DIP2C: variants seen among roughly 807,000 people sequenced by gnomAD.
DIP2C encodes DIP2 acetate--CoA ligase C (putative), also known as disco-interacting protein 2 homolog C.
In DIP2C, 33 loss-of-function variants were observed where a neutral mutation model predicts 192.4. That is an observed-to-expected ratio of 0.17 (90% CI 0.13 to 0.23). The LOEUF is 0.23. Among genes scored for constraint, DIP2C ranks in the 10% least tolerant of loss-of-function variants. The pLI, the probability that DIP2C is intolerant of heterozygous loss-of-function variation, is 1.00. For missense variants in DIP2C, 1,537 were observed against 2,110.1 expected, an observed-to-expected ratio of 0.73 and a Z score of 5.32; for synonymous variants, 979 against 864.1, an observed-to-expected ratio of 1.13 and a Z score of -2.33.
intron 1 of DIP2C, among the ~76,000 whole-genome samples, chr10:489,698 C>T (rs1008066904): frequency 2.0e-4 from 27 of 132,434 alleles, no homozygotes; most frequent in South Asian, 1.6e-3. Flanking sequence ...ACTAGGGACA[C>T]GGTGGCTCTG....
intron 1 of DIP2C, among the ~76,000 whole-genome samples, chr10:542,539 GCA>G (rs1368050857): frequency 1.3e-5 from 2 of 152,234 alleles, no homozygotes; most frequent in Admixed American, 6.5e-5. Context: ...CTCCAGAAAT[GCA>G]CAGCTTCAAC....
chr10:467,866 T>C (rs933456770), intron 3 of DIP2C, among the ~76,000 whole-genome samples: 8 of 152,196 alleles, frequency 5.3e-5, no homozygotes, highest in Non-Finnish European at 1.2e-4. Context: ...GATGGGTTGA[T>C]GGGTGCAGCA....
intron 2 of DIP2C, among the ~76,000 whole-genome samples, chr10:482,032 G>A (rs1156946385): frequency 6.6e-6 from 1 of 152,240 alleles, no homozygotes; most frequent in Non-Finnish European, 1.5e-5. Flanking sequence ...TCAGAGACAG[G>A]ACGACATGGA....
intron 1 of DIP2C, among the ~76,000 whole-genome samples, chr10:574,534 T>A (rs754552892): frequency 6.7e-6 from 1 of 148,516 alleles, no homozygotes; most frequent in African/African-American, 2.5e-5. Context: ...GTATTAGTGA[T>A]CGTGGTGGGG....
chr10:361,935 G>A (rs115227419), intron 22 of DIP2C, among the ~76,000 whole-genome samples: 149 of 151,756 alleles, frequency 9.8e-4, no homozygotes, highest in African/African-American at 3.5e-3. Context: ...CAGGGACCGC[G>A]AGAACAACAG....
At position 448,282 on chromosome 10, in the gene DIP2C, G is replaced by C. The variant is rs1968476750; in HGVS notation, c.269-7286C>G. ...ACCCACTCATCCCTGTCTATACTCA[G>C]GATCACACACAGTGGGTCAGCAGGA... On this transcript the variant is annotated intron_variant, in intron 3 of 36. Transcript: ENST00000280886. 1.5e-5 allele frequency among the ~76,000 whole-genome samples: 2 copies of C among 137,284 alleles called. 1 individual carries two copies. Among genetic ancestry groups the C allele is most frequent in the Non-Finnish European group, 3.0e-5 (2 of 66,048 alleles). 90.1% of individuals were successfully genotyped at this position (137,284 alleles called of 152,430 possible).
At chr10:369,189 G>A (rs1960663117) in intron 18 of DIP2C, among the ~76,000 whole-genome samples, 1 of 152,216 alleles carries the variant, frequency 6.6e-6, no homozygotes. Context: ...TCTGGGGGAG[G>A]GAAGGGAAGC....
intron 1 of DIP2C, among the ~76,000 whole-genome samples, chr10:531,560 C>G (rs1446908287): frequency 6.6e-6 from 1 of 152,224 alleles, no homozygotes; most frequent in Non-Finnish European, 1.5e-5. Context: ...GCCCCCCAGT[C>G]TGACGGAAGC....
At chr10:468,056 G>A (rs140395730) in intron 3 of DIP2C, among the ~76,000 whole-genome samples, 1 of 152,266 alleles carries the variant, frequency 6.6e-6, no homozygotes, top group Non-Finnish European at 1.5e-5. Context: ...CTCCCTAGAA[G>A]CCACAGCCCT....
intron 1 of DIP2C, among the ~76,000 whole-genome samples, chr10:593,577 A>AG (rs1851530582): frequency 6.8e-6 from 1 of 146,294 alleles, no homozygotes; most frequent in Non-Finnish European, 1.5e-5. Flanking sequence ...CAGCAGAGGC[A>AG]GGGGCCCTCC....
chr10:634,476 T>A (rs1483637672), intron 1 of DIP2C, among the ~76,000 whole-genome samples: 1 of 152,226 alleles, frequency 6.6e-6, no homozygotes, highest in African/African-American at 2.4e-5. Flanking sequence ...GGATGCCAAG[T>A]AAGTTTCTGC....
intron 4 of DIP2C, among the ~76,000 whole-genome samples, chr10:431,355 T>G (rs1273902795): frequency 6.6e-6 from 1 of 152,266 alleles, no homozygotes; most frequent in East Asian, 1.9e-4. Flanking sequence ...TTTCTGTGAA[T>G]GAGTTTTGTA....
chr10:551,373 C>T (rs903708952), intron 1 of DIP2C, among the ~76,000 whole-genome samples: 1 of 152,198 alleles, frequency 6.6e-6, no homozygotes, highest in South Asian at 2.1e-4. Context: ...CCAAAGGCCA[C>T]GTCCCGCTTA....
chr10:632,498 G>A, intron 1 of DIP2C, among the ~76,000 whole-genome samples: 1 of 60,332 alleles, frequency 1.7e-5, no homozygotes, highest in Non-Finnish European at 3.3e-5. Context: ...GGGCACCGGT[G>A]TGAACCCAGA....
At chr10:412,592 C>T (rs1000626800) in intron 8 of DIP2C, among the ~76,000 whole-genome samples, 27 of 152,276 alleles carry the variant, frequency 1.8e-4, no homozygotes, top group South Asian at 4.1e-4. Flanking sequence ...ACGAAACGCA[C>T]GCTCCCAAAC....
chr10:284,405 A>G (rs772972866), intron 34 of DIP2C, among the ~76,000 whole-genome samples: 5 of 152,208 alleles, frequency 3.3e-5, no homozygotes, highest in Non-Finnish European at 4.4e-5. Flanking sequence ...AGGCAACTGA[A>G]TATTACTCAG....
At chr10:660,338 C>T (rs1856677318) in intron 1 of DIP2C, among the ~76,000 whole-genome samples, 1 of 151,406 alleles carries the variant, frequency 6.6e-6, no homozygotes, top group African/African-American at 2.4e-5. Flanking sequence ...GTGTATGAAA[C>T]AGAGATCCTA....
At chr10:409,047 G>T (rs201750010) in intron 8 of DIP2C, 30 bp from the exon 9 acceptor site, 131 of 1,607,060 alleles carry the variant, frequency 8.2e-5, no homozygotes, top group Non-Finnish European at 1.0e-4. Flanking sequence ...ACAAATGTGC[G>T]TATTAAACCA....
In DIP2C at chr10:364,615, C is replaced by G. The variant is rs570292355; in HGVS notation, c.2269-33G>C. The G allele has an allele frequency of 1.1e-5, 18 of 1,602,110 alleles. No individual in the cohort carries two copies. In the South Asian group the frequency reaches 1.9e-4, roughly 17 times the overall value. On this transcript the variant is annotated intron_variant, in intron 19 of 36. Transcript: ENST00000280886. The stretch of plus-strand genomic sequence containing the variant: ...AAACAGCATCCATCAGGCCACTGTT[C>G]ATGTGGTCAGCTGGTTTTAATCCTC...
Sources: gnomAD v4.1 joint callset for allele counts (sites outside exome capture counted in the v4.1 genomes callset) on GRCh38, gnomAD v4.1.1 for gene constraint, MANE v1.5 for transcripts, NCBI Gene and HGNC (gene_info 2026-07-23, HGNC 2026-07-21) for gene names.